The following SEC23A variants were observed in gnomAD, a reference collection of about 807,000 sequenced individuals.
SEC23A encodes the protein protein transport protein Sec23A.
SEC23A carries 56 observed loss-of-function variants against 103.7 expected under a neutral mutation model. The observed-to-expected ratio is 0.54, with a 90% CI of 0.44 to 0.67. The LOEUF is 0.67. Ranked by LOEUF, SEC23A falls within the 30% of genes least tolerant of loss-of-function variation. SEC23A has a pLI of 0.00. For missense variants in SEC23A, 784 were observed against 936.4 expected, an observed-to-expected ratio of 0.84 and a Z score of 2.12; for synonymous variants, 281 against 293.0, an observed-to-expected ratio of 0.96 and a Z score of 0.42.
intron 7 of SEC23A, among the ~76,000 whole-genome samples, chr14:39,085,249 C>A (rs917467698): frequency 1.3e-5 from 2 of 152,152 alleles, no homozygotes; most frequent in African/African-American, 2.4e-5. Flanking sequence ...AATTTGGAAC[C>A]CCTTCTCCCA....
intron 2 of SEC23A, 121 bp downstream of exon 2, chr14:39,095,777 T>A (rs1057284073): frequency 7.7e-5 from 60 of 774,422 alleles, no homozygotes; most frequent in Non-Finnish European, 1.1e-4. Flanking sequence ...TTGTTTTGAC[T>A]GTCCTAATTT....
At position 39,067,368 on chromosome 14, in the gene SEC23A, A is replaced by C. The variant is rs1886705993; in HGVS notation, c.1104-72T>G. 9.1e-6 allele frequency: 14 copies of C among 1,540,866 alleles called. 1 individual carries two copies. The East Asian group carries it at 3.2e-4, about 35-fold the overall frequency. On this transcript the variant is annotated intron_variant, in intron 9 of 19. Coordinates refer to ENST00000307712, the MANE Select transcript of SEC23A (RefSeq NM_006364.4). ...GTCCGTGTGTTAAAATCGTAGAAGA[A>C]AATTACCTCTCAAAACTACCAATAA...
intron 2 of SEC23A, among the ~76,000 whole-genome samples, chr14:39,093,708 C>T (rs2139291729): frequency 6.6e-6 from 1 of 152,216 alleles, no homozygotes; most frequent in African/African-American, 2.4e-5. Flanking sequence ...ATACAGTGAG[C>T]CACAATCACA....
rs529473611 is a variant in SEC23A at position 39,069,249 on chromosome 14, T to C, written c.1104-1953A>G. On this transcript the variant is annotated intron_variant, in intron 9 of 19. Transcript: ENST00000307712. ...TTCTTACATCCCTATACTCTACAAATGACAAATGAATTCAGCGATCCTTTT... is the reference window on the plus strand; with the variant it reads ...TTCTTACATCCCTATACTCTACAAACGACAAATGAATTCAGCGATCCTTTT... Among the ~76,000 whole-genome samples, 3 of 152,146 alleles carry C rather than the reference T, an allele frequency of 2.0e-5. No homozygotes were observed. The South Asian group carries it at 6.2e-4, about 32-fold the overall frequency.
At chr14:39,070,990 G>A (rs1234676841) in intron 9 of SEC23A, among the ~76,000 whole-genome samples, 1 of 151,926 alleles carries the variant, frequency 6.6e-6, no homozygotes, top group Non-Finnish European at 1.5e-5. Flanking sequence ...TCGTGCCACT[G>A]CACTCCAGCT....
chr14:39,077,988 G>A (rs1441410798), intron 7 of SEC23A, among the ~76,000 whole-genome samples: 2 of 152,128 alleles, frequency 1.3e-5, no homozygotes, highest in East Asian at 1.9e-4. Flanking sequence ...TGTGGCTCAT[G>A]CCTCTAATCT....
At chr14:39,082,586 T>A (rs1035630299) in intron 7 of SEC23A, among the ~76,000 whole-genome samples, 2 of 152,034 alleles carry the variant, frequency 1.3e-5, no homozygotes, top group African/African-American at 4.8e-5. Flanking sequence ...TAAATCAACA[T>A]GGGGGTTCCT....
intron 18 of SEC23A, 154 bp from the exon 19 acceptor site, chr14:39,039,250 T>C: frequency 1.5e-6 from 1 of 646,432 alleles, no homozygotes. Flanking sequence ...CTTTGAAATG[T>C]ATAGGTCACT....
In SEC23A at chr14:39,086,945, G is replaced by A; in HGVS notation, c.667C>T (p.Pro223Ser). ...ATTTATTACCTGTTGGAAGGAGGTG[G>A]CTGCTGTACCTGAGGACCACGTGTT... ...QATRGPQVQQ[P>S]PPSNRFLQPV... Residue 223 changes from proline to serine, a missense_variant, in exon 6 of 20, where the codon CCA becomes TCA. Physicochemically the swap from Pro to Ser is moderately conservative, Grantham distance 74. Around this residue, in one of 2 missense-constraint regions of SEC23A, gnomAD observed 683 missense variants for 774.2 expected, o/e 0.88. Transcript: ENST00000307712. The A allele has an allele frequency of 6.3e-7, 1 of 1,592,520 alleles. No homozygotes were observed. The highest frequency in any genetic ancestry group is 8.6e-7 in the Non-Finnish European group (1 of 1,160,304).
At chr14:39,080,698 G>T (rs562500966) in intron 7 of SEC23A, among the ~76,000 whole-genome samples, 4 of 152,168 alleles carry the variant, frequency 2.6e-5, no homozygotes, top group Non-Finnish European at 5.9e-5. Flanking sequence ...GAGCCACTGC[G>T]CCTGGCCGGG....
At chr14:39,051,017 T>C (rs370547298) in intron 14 of SEC23A, among the ~76,000 whole-genome samples, 2 of 152,346 alleles carry the variant, frequency 1.3e-5, no homozygotes. Flanking sequence ...CACTGCTGAA[T>C]TTTTAGCTAT....
At chr14:39,094,090 T>C (rs1887756543) in intron 2 of SEC23A, among the ~76,000 whole-genome samples, 1 of 151,366 alleles carries the variant, frequency 6.6e-6, no homozygotes. Context: ...GGTAGAATCA[T>C]AGCTCCCTGC....
intron 13 of SEC23A, among the ~76,000 whole-genome samples, chr14:39,061,376 GA>G (rs1005486120): frequency 6.7e-5 from 10 of 148,168 alleles, no homozygotes; most frequent in Admixed American, 2.7e-4. Flanking sequence ...AATAAAACTT[GA>G]AAAAAAAATA....
At chr14:39,090,471 TG>T (rs536811323) in intron 5 of SEC23A, among the ~76,000 whole-genome samples, 6 of 152,178 alleles carry the variant, frequency 3.9e-5, no homozygotes, top group Non-Finnish European at 8.8e-5. Flanking sequence ...TCCTTTGCCT[TG>T]GAAGAGAAAG....
intron 7 of SEC23A, among the ~76,000 whole-genome samples, chr14:39,081,226 C>T (rs1426100068): frequency 6.7e-6 from 1 of 150,220 alleles, no homozygotes; most frequent in Non-Finnish European, 1.5e-5. Flanking sequence ...AAAAAACACA[C>T]ACACATCAAG....
At chr14:39,076,174 AAAT>A in intron 7 of SEC23A, 81 bp from the exon 8 acceptor site, 2 of 1,006,192 alleles carry the variant, frequency 2.0e-6, no homozygotes, top group Non-Finnish European at 3.0e-6. Context: ...TATTCCTTCT[AAAT>A]AAGAGAAAAG....
At chr14:39,095,195 G>A (rs1050943294) in intron 2 of SEC23A, among the ~76,000 whole-genome samples, 1 of 152,184 alleles carries the variant, frequency 6.6e-6, no homozygotes, top group Non-Finnish European at 1.5e-5. Context: ...GGATTGGCTG[G>A]GGGGAGAGGG....
intron 19 of SEC23A, among the ~76,000 whole-genome samples, chr14:39,035,959 A>G (rs953624109): frequency 6.6e-6 from 1 of 152,114 alleles, no homozygotes; most frequent in African/African-American, 2.4e-5. Context: ...ATGTGGCAGT[A>G]TAAAGGTGGG....
intron 9 of SEC23A, among the ~76,000 whole-genome samples, chr14:39,073,138 A>C (rs12435383): frequency 4.6e-5 from 7 of 152,238 alleles, no homozygotes; most frequent in African/African-American, 1.4e-4. Context: ...TATCCATCAA[A>C]TGGAATACTA....
Sources: allele counts gnomAD v4.1 joint callset (sites outside exome capture counted in the v4.1 genomes callset), GRCh38; gene constraint gnomAD v4.1.1; regional missense constraint gnomAD v4.1.1; transcripts MANE v1.5; gene names NCBI Gene and HGNC (gene_info 2026-07-23, HGNC 2026-07-21).